The following EYS variants were observed in gnomAD, a reference collection of about 807,000 sequenced individuals.
EYS encodes the protein protein eyes shut homolog.
EYS carries 250 observed loss-of-function variants against 282.1 expected under a neutral mutation model. The ratio of observed to expected loss-of-function variants is 0.89; its 90% CI spans 0.80 to 0.98. The LOEUF (loss-of-function observed/expected upper bound fraction) is 0.98. EYS is among the 50% of genes least tolerant of loss of function. The probability of loss-of-function intolerance (pLI) is 0.00; values close to 1 mark genes in which losing one functional copy is unlikely to be tolerated. For missense variants in EYS, 4,016 were observed against 3,709.0 expected (o/e 1.08, Z -2.15); for synonymous variants, 1,355 against 1,282.9 (o/e 1.06, Z -1.20).
In EYS at chr6:65,554,645, C is replaced by T. The variant is rs149683643; in HGVS notation, c.-332-58652G>A. 1.2e-3 allele frequency among the ~76,000 whole-genome samples: 186 copies of T among 152,238 alleles called. 1 individual carries two copies. The highest frequency in any genetic ancestry group is 3.4e-3 in the Middle Eastern group (1 of 294). ...TTCACCATTTCCCCCAGACACAAGA[C>T]TGAGTACTTCACATTTTGCAGGTAC... On this transcript the variant is annotated intron_variant, in intron 2 of 42. Transcript: ENST00000503581.
At chr6:63,964,259 A>G (rs1031348268) in intron 35 of EYS, among the ~76,000 whole-genome samples, 8 of 152,214 alleles carry the variant, frequency 5.3e-5, no homozygotes, top group Admixed American at 5.2e-4. Flanking sequence ...CAGCTGAAGA[A>G]ACCCACTGTT....
chr6:64,868,492 T>C (rs981904465), intron 19 of EYS, among the ~76,000 whole-genome samples: 12 of 151,550 alleles, frequency 7.9e-5, no homozygotes, highest in African/African-American at 2.4e-4. Flanking sequence ...CATATTCAAT[T>C]AACTATGAAT....
At position 65,367,655 on chromosome 6, in the gene EYS, GC is replaced by G. The variant is rs776797578; in HGVS notation, c.1300-14039del. Among the ~76,000 whole-genome samples, 17 of 151,680 alleles carry G rather than the reference GC, an allele frequency of 1.1e-4. No individual in the cohort carries two copies. The East Asian group carries it at 1.5e-3, about 14-fold the overall frequency. On this transcript the variant is annotated intron_variant, in intron 8 of 42. Coordinates refer to ENST00000503581, the MANE Select transcript of EYS (RefSeq NM_001142800.2). ...AAAAAGCGAGATACAAGATAAGCTT[GC>G]AACTCCTTTGGTGCTTACTCTTGTA...
At chr6:64,208,795 G>T (rs1318956376) in intron 31 of EYS, among the ~76,000 whole-genome samples, 1 of 151,994 alleles carries the variant, frequency 6.6e-6, no homozygotes, top group East Asian at 1.9e-4. Flanking sequence ...AAAAAGCAAG[G>T]ACAGTAGAAG....
chr6:64,579,787 A>G (rs1766002003), intron 26 of EYS, among the ~76,000 whole-genome samples: 1 of 152,078 alleles, frequency 6.6e-6, no homozygotes, highest in Non-Finnish European at 1.5e-5. Flanking sequence ...GCTCTTTCCT[A>G]CGTGAATCCT....
At chr6:63,752,672 T>C (rs546726112) in intron 41 of EYS, among the ~76,000 whole-genome samples, 173 of 151,930 alleles carry the variant, frequency 1.1e-3, no homozygotes, top group African/African-American at 4.0e-3. Context: ...TTTTTTTGTA[T>C]TTTTAGTAGA....
At chr6:64,795,506 G>C (rs1051500409) in intron 22 of EYS, among the ~76,000 whole-genome samples, 7 of 152,074 alleles carry the variant, frequency 4.6e-5, no homozygotes, top group African/African-American at 1.7e-4. Flanking sequence ...AAATTTTGAG[G>C]ACTGCTATTG....
chr6:63,882,942 CA>C (rs1274675588), intron 35 of EYS, among the ~76,000 whole-genome samples: 1 of 152,150 alleles, frequency 6.6e-6, no homozygotes, highest in African/African-American at 2.4e-5. Flanking sequence ...GAGGCTAGAT[CA>C]TGTAGGATGT....
Position 64,120,288 on chromosome 6 carries a change from G to A in EYS, c.6425-38286C>T, listed in dbSNP as rs1012990351. 6.7e-5 allele frequency among the ~76,000 whole-genome samples: 10 copies of A among 149,386 alleles called. 1 individual carries two copies. Among genetic ancestry groups the A allele is most frequent in the South Asian group, 6.4e-4 (3 of 4,712 alleles). On this transcript the variant is annotated intron_variant, in intron 31 of 42. Transcript: ENST00000503581. Reference sequence around the variant, plus strand: ...AGAGAATGGCGTGAACCCAGGAGGCGGAGCTTGCAGTGAGAGGAGATCGCA... The same window carrying A: ...AGAGAATGGCGTGAACCCAGGAGGCAGAGCTTGCAGTGAGAGGAGATCGCA...
At chr6:63,988,521 T>C (rs1240497053) in intron 34 of EYS, among the ~76,000 whole-genome samples, 5 of 151,622 alleles carry the variant, frequency 3.3e-5, no homozygotes, top group African/African-American at 9.7e-5. Context: ...AAGCAGATGT[T>C]GTTGGCTGCA....
chr6:65,253,640 A>C (rs1052284866), intron 12 of EYS, among the ~76,000 whole-genome samples: 2 of 151,910 alleles, frequency 1.3e-5, no homozygotes, highest in Admixed American at 6.6e-5. Flanking sequence ...TTTTAATGAA[A>C]TTACTCTAAA....
chr6:64,307,645 CATG>C (rs1769504865), intron 29 of EYS, among the ~76,000 whole-genome samples: 1 of 152,016 alleles, frequency 6.6e-6, no homozygotes, highest in Non-Finnish European at 1.5e-5. Context: ...TAATGTGTAA[CATG>C]AGGATTATAG....
chr6:64,372,447 C>T (rs560538154), intron 29 of EYS, among the ~76,000 whole-genome samples: 1 of 152,064 alleles, frequency 6.6e-6, no homozygotes, highest in African/African-American at 2.4e-5. Context: ...GTAACCTGCC[C>T]CTACTTTCTA....
At chr6:65,367,471 A>G (rs558491896) in intron 8 of EYS, among the ~76,000 whole-genome samples, 1 of 151,870 alleles carries the variant, frequency 6.6e-6, no homozygotes, top group Non-Finnish European at 1.5e-5. Context: ...AGACATAGTG[A>G]CATTCTCAAT....
chr6:63,816,020 G>A (rs1771168700), intron 36 of EYS, among the ~76,000 whole-genome samples: 1 of 152,158 alleles, frequency 6.6e-6, no homozygotes, highest in South Asian at 2.1e-4. Context: ...TGAAGTACTA[G>A]AAGAAGGCAG....
intron 35 of EYS, among the ~76,000 whole-genome samples, chr6:63,886,457 G>A (rs972560180): frequency 6.6e-6 from 1 of 152,078 alleles, no homozygotes; most frequent in African/African-American, 2.4e-5. Flanking sequence ...CCAAAAAAAA[G>A]TGATGTTATT....
intron 31 of EYS, among the ~76,000 whole-genome samples, chr6:64,184,903 T>C (rs937605237): frequency 2.0e-5 from 3 of 152,164 alleles, no homozygotes. Flanking sequence ...GAATGTTTTT[T>C]TTCTCCCAAA....
chr6:64,358,956 A>G (rs958928551), intron 29 of EYS, among the ~76,000 whole-genome samples: 11 of 151,688 alleles, frequency 7.3e-5, no homozygotes, highest in Admixed American at 5.3e-4. Flanking sequence ...CTTTCATACA[A>G]TATCCTATTT....
At chr6:65,659,248 T>G (rs1767926446) in intron 1 of EYS, among the ~76,000 whole-genome samples, 1 of 151,734 alleles carries the variant, frequency 6.6e-6, no homozygotes, top group South Asian at 2.1e-4. Flanking sequence ...TATTCAGTAT[T>G]TTTTTCCAGG....
Sources: gnomAD v4.1 joint callset for allele counts (sites outside exome capture counted in the v4.1 genomes callset) on GRCh38, gnomAD v4.1.1 for gene constraint, MANE v1.5 for transcripts, NCBI Gene and HGNC (gene_info 2026-07-23, HGNC 2026-07-21) for gene names.